WWOX: variants seen among roughly 807,000 people sequenced by gnomAD.
WWOX encodes WW domain containing oxidoreductase.
WWOX carries 69 observed loss-of-function variants against 46.2 expected under a neutral mutation model. The observed-to-expected ratio is 1.49, with a 90% CI of 1.23 to 1.82. The LOEUF (loss-of-function observed/expected upper bound fraction) is 1.82, where lower values mean the gene tolerates loss of function less well. WWOX is among the 40% of genes most tolerant of loss of function. WWOX has a pLI of 0.00. For synonymous variants in WWOX, 359 were observed against 202.6 expected (o/e 1.77, Z -6.56); for missense variants, 919 against 542.6 (o/e 1.69, Z -6.89).
chr16:79,057,079 T>C (rs1022440265), intron 8 of WWOX, among the ~76,000 whole-genome samples: 12 of 152,236 alleles, frequency 7.9e-5, no homozygotes, highest in African/African-American at 2.9e-4. Flanking sequence ...TGGGCCTGAA[T>C]TGAAGAGCTT....
At chr16:79,120,550 G>A (rs774775345) in intron 8 of WWOX, among the ~76,000 whole-genome samples, 7 of 152,188 alleles carry the variant, frequency 4.6e-5, no homozygotes, top group Non-Finnish European at 8.8e-5. Flanking sequence ...ACTGAGTGAC[G>A]TAAAACAGCA....
intron 8 of WWOX, among the ~76,000 whole-genome samples, chr16:79,181,873 C>G (rs1016293603): frequency 4.6e-5 from 7 of 152,156 alleles, no homozygotes; most frequent in Admixed American, 3.3e-4. Context: ...AGCATAAACC[C>G]TAGGAATAAT....
intron 8 of WWOX, among the ~76,000 whole-genome samples, chr16:78,581,873 C>T (rs2045064915): frequency 6.6e-6 from 1 of 152,086 alleles, no homozygotes; most frequent in African/African-American, 2.4e-5. Flanking sequence ...GGTTTGTCAT[C>T]CTCTATTTGA....
intron 5 of WWOX, among the ~76,000 whole-genome samples, chr16:78,280,385 C>T (rs150683622): frequency 7.9e-4 from 120 of 152,242 alleles, no homozygotes; most frequent in East Asian, 5.8e-3. Flanking sequence ...ATAACTTCTG[C>T]GAAACAGGTA....
Position 78,694,207 on chromosome 16 carries a change from T to C in WWOX, c.1056+261455T>C, listed in dbSNP as rs1310852156. Among the ~76,000 whole-genome samples, 3 of 152,192 alleles carry C rather than the reference T, an allele frequency of 2.0e-5. No homozygotes were observed. The East Asian group carries it at 5.8e-4, about 29-fold the overall frequency. On this transcript the variant is annotated intron_variant, in intron 8 of 8. Transcript: ENST00000566780. ...CAGCCTGGGCAACAGAGAGAAACTG[T>C]GTCTCAAAAAATAAAATAAAATAAA...
intron 8 of WWOX, among the ~76,000 whole-genome samples, chr16:79,107,394 G>A (rs929700923): frequency 1.3e-5 from 2 of 152,142 alleles, no homozygotes; most frequent in African/African-American, 4.8e-5. Flanking sequence ...AGCCCAAAAT[G>A]ACTTTTTATT....
At chr16:78,429,367 C>G (rs530765940) in intron 7 of WWOX, among the ~76,000 whole-genome samples, 3 of 152,298 alleles carry the variant, frequency 2.0e-5, no homozygotes, top group East Asian at 3.9e-4. Flanking sequence ...GCATTTTTAT[C>G]TGCCTTGCAT....
At chr16:78,976,128 C>T (rs753593301) in intron 8 of WWOX, among the ~76,000 whole-genome samples, 2 of 152,274 alleles carry the variant, frequency 1.3e-5, no homozygotes, top group East Asian at 1.9e-4. Context: ...TGTCCATCCT[C>T]GAATATCCTG....
At chr16:79,120,317 G>C (rs780008864) in intron 8 of WWOX, among the ~76,000 whole-genome samples, 1 of 152,148 alleles carries the variant, frequency 6.6e-6, no homozygotes, top group African/African-American at 2.4e-5. Flanking sequence ...TCAAGCTATT[G>C]CTGTCAGGCG....
intron 4 of WWOX, among the ~76,000 whole-genome samples, chr16:78,120,594 A>T (rs979677789): frequency 7.2e-5 from 11 of 151,832 alleles, no homozygotes; most frequent in African/African-American, 2.4e-4. Flanking sequence ...AAAAAAAAAA[A>T]TTTCATGCAG....
intron 8 of WWOX, among the ~76,000 whole-genome samples, chr16:79,113,680 C>G (rs1208885553): frequency 6.6e-6 from 1 of 152,148 alleles, no homozygotes; most frequent in African/African-American, 2.4e-5. Context: ...GCAGGGTGAC[C>G]TGGAAGATCT....
intron 6 of WWOX, among the ~76,000 whole-genome samples, chr16:78,397,669 C>T (rs1162643309): frequency 2.0e-5 from 3 of 152,302 alleles, no homozygotes; most frequent in East Asian, 1.9e-4. Context: ...TGATGGACAG[C>T]CACTGCCTAG....
At chr16:78,431,070 G>T (rs577658707) in intron 7 of WWOX, among the ~76,000 whole-genome samples, 1 of 152,220 alleles carries the variant, frequency 6.6e-6, no homozygotes, top group East Asian at 1.9e-4. Flanking sequence ...ACATGAGACT[G>T]TTTAGAAAAT....
At chr16:78,253,100 T>C (rs984046982) in intron 5 of WWOX, among the ~76,000 whole-genome samples, 1 of 152,188 alleles carries the variant, frequency 6.6e-6, no homozygotes. Context: ...AAAGTAAAGA[T>C]GAATTTGGCA....
Position 78,377,154 on chromosome 16 carries a change from C to T in WWOX, c.517-9706C>T, listed in dbSNP as rs117416448. On this transcript the variant is annotated intron_variant, in intron 5 of 8. Transcript: ENST00000566780. ...CTATTAAATATTCAGAATATACAGACTGTTGCTGTTGAGAATGTAATTATG... is the reference window on the plus strand; with the variant it reads ...CTATTAAATATTCAGAATATACAGATTGTTGCTGTTGAGAATGTAATTATG... Among the ~76,000 whole-genome samples the T allele has an allele frequency of 4.8e-3, 731 of 152,296 alleles. 3 individuals are homozygous for T. The highest frequency in any genetic ancestry group is 7.9e-3 in the Non-Finnish European group (534 of 68,004).
chr16:79,126,452 T>G (rs1169260925), intron 8 of WWOX, among the ~76,000 whole-genome samples: 4 of 152,120 alleles, frequency 2.6e-5, no homozygotes, highest in African/African-American at 9.7e-5. Context: ...GAGTGAGTTG[T>G]CATGAGATCT....
chr16:78,753,022 C>G (rs1054632014), intron 8 of WWOX, among the ~76,000 whole-genome samples: 2 of 152,134 alleles, frequency 1.3e-5, no homozygotes, highest in Admixed American at 6.5e-5. Context: ...GGGCTGGGCA[C>G]GGTAGCTCAC....
chr16:78,490,507 C>T (rs948918901), intron 8 of WWOX, among the ~76,000 whole-genome samples: 10 of 152,084 alleles, frequency 6.6e-5, no homozygotes, highest in Admixed American at 2.0e-4. Context: ...AAGGAGGTCA[C>T]GAACATGCGT....
chr16:78,282,819 A>G (rs899500975), intron 5 of WWOX, among the ~76,000 whole-genome samples: 10 of 143,020 alleles, frequency 7.0e-5, no homozygotes, highest in Non-Finnish European at 1.5e-4. Context: ...TGGAGGTTGC[A>G]GTGAGCCGAG....
Sources: allele counts gnomAD v4.1 joint callset (sites outside exome capture counted in the v4.1 genomes callset), GRCh38; gene constraint gnomAD v4.1.1; transcripts MANE v1.5; gene names NCBI Gene and HGNC (gene_info 2026-07-23, HGNC 2026-07-21).